The following GRM8 variants were observed in gnomAD, a reference collection of about 807,000 sequenced individuals.
GRM8 encodes the protein metabotropic glutamate receptor 8.
Under a neutral mutation model 87.2 loss-of-function variants are expected in GRM8, and 47 were observed. The observed-to-expected ratio is 0.54, with a 90% confidence interval of 0.43 to 0.69. The LOEUF is 0.69. Ranked by LOEUF, GRM8 falls within the 30% of genes least tolerant of loss-of-function variation. The pLI is 0.00. For missense variants in GRM8, 1,019 were observed against 1,139.2 expected, an observed-to-expected ratio of 0.89 and a Z score of 1.52; for synonymous variants, 396 against 404.5, an observed-to-expected ratio of 0.98 and a Z score of 0.25.
chr7:126,686,395 G>A (rs1808196677), intron 7 of GRM8, among the ~76,000 whole-genome samples: 1 of 152,186 alleles, frequency 6.6e-6, no homozygotes, highest in African/African-American at 2.4e-5. Flanking sequence ...TGGGTGAAGA[G>A]AAGGAGAGAA....
Position 126,446,230 on chromosome 7 carries a change from G to C in GRM8, c.2573C>G (p.Ala858Gly), listed in dbSNP as rs777140087. The C allele has an allele frequency of 6.2e-7, 1 of 1,612,912 alleles. No homozygotes were observed. The highest frequency in any genetic ancestry group is 1.3e-5 in the African/African-American group (1 of 74,816). Reference sequence around the variant, plus strand: ...TTGCATGGTGGCAGCTGTCACCACAGCCTTGAAGCTCCTCTTGCGTTTTTG... The same window carrying C: ...TTGCATGGTGGCAGCTGTCACCACACCCTTGAAGCTCCTCTTGCGTTTTTG... ...NVQKRKRSFK[A>G]VVTAATMQSK... Residue 858 changes from alanine (A) to glycine (G), a missense_variant, in exon 10 of 11, where the codon GCT becomes GGT. Ala to Gly is a moderately conservative substitution (Grantham distance 60). Coordinates refer to ENST00000339582, the MANE Select transcript of GRM8 (RefSeq NM_000845.3).
At chr7:126,982,455 T>C (rs1447158943) in intron 3 of GRM8, among the ~76,000 whole-genome samples, 1 of 152,130 alleles carries the variant, frequency 6.6e-6, no homozygotes, top group East Asian at 1.9e-4. Flanking sequence ...TCATACATAA[T>C]CTTCAAATAA....
chr7:127,100,359 C>T (rs1254964937), intron 3 of GRM8, among the ~76,000 whole-genome samples: 1 of 152,156 alleles, frequency 6.6e-6, no homozygotes, highest in African/African-American at 2.4e-5. Flanking sequence ...TTTATCATCT[C>T]CCATAATTGA....
At position 126,869,093 on chromosome 7, in the gene GRM8, A is replaced by C. The variant is rs145358295; in HGVS notation, c.1156+33449T>G. The C allele has an allele frequency of 2.0e-5, 3 of 152,340 alleles. No homozygotes were observed. The East Asian group carries it at 5.8e-4, about 29-fold the overall frequency. The allele number at this position is 152,340 out of a possible 1,614,324, so 9.4% of individuals were successfully genotyped here. A position where few individuals can be genotyped will look rare whatever the true frequency, so the allele number is the denominator to read the frequency against. The stretch of plus-strand genomic sequence containing the variant: ...TTGACATCTCAACAATGTTCATAGC[A>C]TCTTCATGGGAAATAGATTCCATGT... On this transcript the variant is annotated intron_variant, in intron 6 of 10. Transcript: ENST00000339582.
chr7:126,444,669 A>G (rs1801817935), intron 10 of GRM8, among the ~76,000 whole-genome samples: 1 of 152,120 alleles, frequency 6.6e-6, no homozygotes, highest in Non-Finnish European at 1.5e-5. Context: ...ATGCTTATCT[A>G]GAAATCTTGA....
intron 7 of GRM8, among the ~76,000 whole-genome samples, chr7:126,636,522 A>C (rs1169831555): frequency 1.3e-5 from 2 of 152,250 alleles, no homozygotes; most frequent in East Asian, 3.9e-4. Flanking sequence ...GTTCAATACA[A>C]ATGCAATTTT....
chr7:126,741,274 C>A (rs546785591), intron 7 of GRM8, among the ~76,000 whole-genome samples: 3 of 151,864 alleles, frequency 2.0e-5, no homozygotes, highest in Non-Finnish European at 2.9e-5. Flanking sequence ...CGAGTTGATT[C>A]TAATGAGGCT....
At chr7:127,015,302 G>T (rs1563414832) in intron 3 of GRM8, among the ~76,000 whole-genome samples, 1 of 151,784 alleles carries the variant, frequency 6.6e-6, no homozygotes, top group South Asian at 2.1e-4. Context: ...ATGAACCAAA[G>T]AAGAAAGAGG....
At chr7:126,536,310 G>A (rs918997165) in intron 8 of GRM8, among the ~76,000 whole-genome samples, 1 of 152,180 alleles carries the variant, frequency 6.6e-6, no homozygotes, top group Non-Finnish European at 1.5e-5. Context: ...TTCCTTTCTT[G>A]AATCTAGGGT....
At chr7:126,986,945 C>T (rs547570891) in intron 3 of GRM8, among the ~76,000 whole-genome samples, 1 of 152,242 alleles carries the variant, frequency 6.6e-6, no homozygotes, top group South Asian at 2.1e-4. Context: ...TCATAACAAC[C>T]TTATGAGTTA....
At chr7:126,824,118 G>T (rs372362939) in intron 6 of GRM8, among the ~76,000 whole-genome samples, 1 of 152,068 alleles carries the variant, frequency 6.6e-6, no homozygotes, top group Non-Finnish European at 1.5e-5. Flanking sequence ...TAAAACTAAA[G>T]AAACTGTTAT....
At chr7:127,207,050 C>T (rs1369667831) in intron 2 of GRM8, among the ~76,000 whole-genome samples, 1 of 152,134 alleles carries the variant, frequency 6.6e-6, no homozygotes, top group Non-Finnish European at 1.5e-5. Context: ...GCAATGATTC[C>T]CCAGGTTTCT....
chr7:127,209,385 G>C (rs1489038730), intron 2 of GRM8, among the ~76,000 whole-genome samples: 1 of 152,200 alleles, frequency 6.6e-6, no homozygotes, highest in Non-Finnish European at 1.5e-5. Context: ...GCTGTTGACT[G>C]TTCAGTGAAA....
intron 3 of GRM8, among the ~76,000 whole-genome samples, chr7:127,028,612 T>C (rs1409923134): frequency 6.6e-6 from 1 of 152,220 alleles, no homozygotes; most frequent in Non-Finnish European, 1.5e-5. Context: ...TTTTCTAGTT[T>C]ATTTGCATAG....
At chr7:127,171,886 G>GAC (rs1223423170) in intron 2 of GRM8, among the ~76,000 whole-genome samples, 1 of 152,144 alleles carries the variant, frequency 6.6e-6, no homozygotes, top group Non-Finnish European at 1.5e-5. Flanking sequence ...TGCAGTCTTG[G>GAC]ACACACACAT....
At chr7:127,248,414 G>T (rs371766802) in intron 1 of GRM8, among the ~76,000 whole-genome samples, 4 of 152,190 alleles carry the variant, frequency 2.6e-5, no homozygotes, top group Admixed American at 2.6e-4. Flanking sequence ...CTTACTCCAT[G>T]CCCCATGGGG....
At chr7:126,581,035 G>A (rs1290705827) in intron 8 of GRM8, among the ~76,000 whole-genome samples, 1 of 151,888 alleles carries the variant, frequency 6.6e-6, no homozygotes, top group Non-Finnish European at 1.5e-5. Context: ...TGCATATATA[G>A]TAGCTACTTA....
At chr7:127,150,645 A>G (rs1360426839) in intron 2 of GRM8, among the ~76,000 whole-genome samples, 1 of 152,140 alleles carries the variant, frequency 6.6e-6, no homozygotes, top group East Asian at 1.9e-4. Context: ...GAAAGACTGT[A>G]AAAGTCACAT....
chr7:127,170,048 G>C (rs1793698910), intron 2 of GRM8, among the ~76,000 whole-genome samples: 1 of 152,120 alleles, frequency 6.6e-6, no homozygotes, highest in African/African-American at 2.4e-5. Context: ...AAGTCTTATT[G>C]TTAAGAAATA....
Sources: allele counts gnomAD v4.1 joint callset (sites outside exome capture counted in the v4.1 genomes callset), GRCh38; gene constraint gnomAD v4.1.1; transcripts MANE v1.5; gene names NCBI Gene and HGNC (gene_info 2026-07-23, HGNC 2026-07-21).